TBCD: variants seen among roughly 807,000 people sequenced by gnomAD.
TBCD encodes the protein tubulin folding cofactor D.
Under a neutral mutation model 169.3 loss-of-function variants are expected in TBCD, and 105 were observed. The ratio of observed to expected loss-of-function variants is 0.62; its 90% CI spans 0.53 to 0.73. TBCD has a LOEUF of 0.73. TBCD is among the 30% of genes least tolerant of loss of function. The pLI is 0.00. For missense variants in TBCD, 1,444 were observed against 1,600.1 expected, an observed-to-expected ratio of 0.90 and a Z score of 1.66; for synonymous variants, 700 against 643.9, an observed-to-expected ratio of 1.09 and a Z score of -1.32.
chr17:82,794,373 G>GCTGGTTT (rs2144564614), intron 7 of TBCD, among the ~76,000 whole-genome samples: 1 of 152,260 alleles, frequency 6.6e-6, no homozygotes, highest in African/African-American at 2.4e-5. Context: ...CTTGTGCTGT[G>GCTGGTTT]CTGGTTTCTA....
rs777971535 is a variant in TBCD at position 82,805,871 on chromosome 17, A to G, written c.951-4A>G. 36 of 1,604,900 alleles carry G rather than the reference A, an allele frequency of 2.2e-5. No individual in the cohort carries two copies. The highest frequency in any genetic ancestry group is 3.1e-5 in the Non-Finnish European group (36 of 1,172,338). On this transcript the variant is annotated splice_polypyrimidine_tract_variant and splice_region_variant and intron_variant, in intron 9 of 38. Transcript: ENST00000355528. ...CTGATCTGAGGATGCTTTGCTTTGCACAGGTACCAGCGTGGCTGCCGATCT... is the reference window on the plus strand; with the variant it reads ...CTGATCTGAGGATGCTTTGCTTTGCGCAGGTACCAGCGTGGCTGCCGATCT...
chr17:82,808,023 G>T (rs996962990), intron 11 of TBCD, among the ~76,000 whole-genome samples: 2 of 152,226 alleles, frequency 1.3e-5, no homozygotes, highest in African/African-American at 2.4e-5. Flanking sequence ...TCAGGGAAGA[G>T]CCCTCTTTTG....
intron 16 of TBCD, 32 bp from the exon 17 acceptor site, chr17:82,893,515 T>G (rs1340192823): frequency 6.6e-7 from 1 of 1,514,250 alleles, no homozygotes; most frequent in Admixed American, 1.9e-5. Context: ...ATTCAAATTC[T>G]TCTTTTTCCC....
At chr17:82,762,981 G>A (rs181033531) in intron 2 of TBCD, among the ~76,000 whole-genome samples, 84 of 152,276 alleles carry the variant, frequency 5.5e-4, no homozygotes, top group African/African-American at 1.9e-3. Flanking sequence ...GCAGCCCAGC[G>A]TATGGTCTGT....
At position 82,915,876 on chromosome 17, in the gene TBCD, T is replaced by G. The variant is rs2060992761; in HGVS notation, c.2038+4087T>G. On this transcript the variant is annotated intron_variant, in intron 23 of 38. Coordinates refer to ENST00000355528, the MANE Select transcript of TBCD (RefSeq NM_005993.5). The surrounding 1 kb of genome is among the most constrained non-coding windows in gnomAD (Gnocchi z 4.3). ...GCCGGGGACACGCTGTTAATGGACT[T>G]CCTGCTGTGGGGGTGAGGGCTCCGT... Among the ~76,000 whole-genome samples, 1 of 152,172 alleles carries G rather than the reference T, an allele frequency of 6.6e-6. No individual in the cohort carries two copies. The highest frequency in any genetic ancestry group is 1.5e-5 in the Non-Finnish European group (1 of 68,026).
intron 6 of TBCD, among the ~76,000 whole-genome samples, chr17:82,775,370 C>G (rs915031568): frequency 2.0e-5 from 3 of 152,160 alleles, no homozygotes; most frequent in Non-Finnish European, 4.4e-5. Context: ...GGCCGGTTCC[C>G]TCGACACCTC....
chr17:82,780,670 A>T (rs1598457258), intron 6 of TBCD, among the ~76,000 whole-genome samples: 4 of 119,818 alleles, frequency 3.3e-5, no homozygotes, highest in East Asian at 2.9e-4. Flanking sequence ...TTTGAGACAG[A>T]GTCTTGTTCT....
intron 13 of TBCD, chr17:82,830,828 G>C (rs2053434945): frequency 6.2e-7 from 1 of 1,613,368 alleles, no homozygotes; most frequent in Non-Finnish European, 8.5e-7. Context: ...TCCGAGACGA[G>C]AGAGGCGCTT....
intron 13 of TBCD, among the ~76,000 whole-genome samples, chr17:82,826,523 C>G (rs983669083): frequency 2.6e-5 from 4 of 151,850 alleles, no homozygotes; most frequent in African/African-American, 9.7e-5. Context: ...TCAAGCAATC[C>G]TCCTGCCTCA....
At chr17:82,857,773 AT>A (rs1025136133) in intron 13 of TBCD, among the ~76,000 whole-genome samples, 22 of 142,442 alleles carry the variant, frequency 1.5e-4, no homozygotes, top group South Asian at 2.2e-4. Context: ...ATTTAATTTA[AT>A]TTTTTTTTCA....
rs60671571 is a variant in TBCD, at chr17:82,797,962, C to CTTTTTTTTT, written c.817+184_817+192dup. On this transcript the variant is annotated intron_variant, in intron 8 of 38. Coordinates refer to ENST00000355528, the MANE Select transcript of TBCD (RefSeq NM_005993.5). ...TTTGTTGTGGGTTTTAGTAACTGAA[C>CTTTTTTTTT]TTTTTTTTTTTTTTTTTTTTTTTTT... 7.7e-4 allele frequency among the ~76,000 whole-genome samples: 38 copies of CTTTTTTTTT among 49,036 alleles called. 7 individuals carry two copies. Among genetic ancestry groups the CTTTTTTTTT allele is most frequent in the South Asian group, 2.5e-3 (2 of 812 alleles). The allele number at this position is 49,036 out of a possible 152,430, so 32.2% of individuals were successfully genotyped here. A position where few individuals can be genotyped will look rare whatever the true frequency, so the allele number is the denominator to read the frequency against.
chr17:82,791,846 TGGCCTGCTGCTCCCAGGCCAGGTGGTGC>T lies in TBCD; in HGVS notation c.772-5900_772-5873del, dbSNP rs570985204. The stretch of plus-strand genomic sequence containing the variant: ...AGCGTGCACTTAAACATAGATGGTG[TGGCCTGCTGCTCCCAGGCCAGGTGGTGC>T]GGCCTGCTGCACTCCCAGGCCAGGT... On this transcript the variant is annotated intron_variant, in intron 7 of 38. Coordinates refer to ENST00000355528, the MANE Select transcript of TBCD (RefSeq NM_005993.5). Among the ~76,000 whole-genome samples the T allele has an allele frequency of 6.1e-3, 933 of 152,232 alleles. 4 individuals carry two copies. The highest frequency in any genetic ancestry group is 7.8e-3 in the Non-Finnish European group (532 of 68,008).
At chr17:82,763,468 G>A (rs1164649154) in intron 2 of TBCD, among the ~76,000 whole-genome samples, 1 of 152,048 alleles carries the variant, frequency 6.6e-6, no homozygotes, top group African/African-American at 2.4e-5. Flanking sequence ...GGCCAGGTGC[G>A]GTGGGCTCAC....
At chr17:82,878,738 G>A (rs566132769) in intron 14 of TBCD, among the ~76,000 whole-genome samples, 2 of 152,170 alleles carry the variant, frequency 1.3e-5, no homozygotes, top group Non-Finnish European at 2.9e-5. Flanking sequence ...TTTCTCCTTT[G>A]GTTTTCACCC....
Position 82,831,281 on chromosome 17 carries a change from G to T in TBCD, c.1318+16347G>T. The T allele has an allele frequency of 6.2e-7, 1 of 1,613,808 alleles. No homozygotes were observed. Among genetic ancestry groups the T allele is most frequent in the Non-Finnish European group, 8.5e-7 (1 of 1,180,030 alleles). ...ATTTTGGACCCTTCCGTGTCTCTCTGCCCAGCCTTGGAGGAGTCTTTAGCC... is the reference window on the plus strand; with the variant it reads ...ATTTTGGACCCTTCCGTGTCTCTCTTCCCAGCCTTGGAGGAGTCTTTAGCC... On this transcript the variant is annotated intron_variant, in intron 13 of 38. Transcript: ENST00000355528. The surrounding 1 kb of genome is among the most constrained non-coding windows in gnomAD (Gnocchi z 4.6).
chr17:82,945,088 T>C lies in TBCD; in HGVS notation c.*2625T>C, dbSNP rs1268622734. 1 of 152,090 alleles carries C rather than the reference T, an allele frequency of 6.6e-6. No homozygotes were observed. Among genetic ancestry groups the C allele is most frequent in the Non-Finnish European group, 1.5e-5 (1 of 68,026 alleles). 9.4% of individuals were successfully genotyped at this position (152,090 alleles called of 1,614,324 possible). On this transcript the variant is annotated 3_prime_UTR_variant, in exon 39 of 39. Coordinates refer to ENST00000355528, the MANE Select transcript of TBCD (RefSeq NM_005993.5). ...CTCTCTGGTAGAATGTAGGCTATAATATGAGTACATTTTTGAAAAGGGCTA... is the reference window on the plus strand; with the variant it reads ...CTCTCTGGTAGAATGTAGGCTATAACATGAGTACATTTTTGAAAAGGGCTA...
At chr17:82,893,438 G>A (rs2059281965) in intron 16 of TBCD, 109 bp from the exon 17 acceptor site, 4 of 856,984 alleles carry the variant, frequency 4.7e-6, no homozygotes, top group Non-Finnish European at 3.6e-6. Flanking sequence ...CCTGCCTCAG[G>A]GCTCGGGGTT....
At chr17:82,932,162 AAT>A (rs1481566925) in intron 33 of TBCD, 1 of 217,822 alleles carries the variant, frequency 4.6e-6, no homozygotes, top group Admixed American at 5.3e-5. Flanking sequence ...CAGCTTGCCT[AAT>A]CCGTGGTCAC....
chr17:82,846,306 G>A (rs574269663), intron 13 of TBCD, among the ~76,000 whole-genome samples: 199 of 138,136 alleles, frequency 1.4e-3, no homozygotes, highest in African/African-American at 5.2e-3. Flanking sequence ...CCCCCTCCAC[G>A]TGCTGCGTCC....
Sources: allele counts gnomAD v4.1 joint callset (sites outside exome capture counted in the v4.1 genomes callset), GRCh38; gene constraint gnomAD v4.1.1; non-coding constraint Gnocchi (gnomAD v3.1); transcripts MANE v1.5; gene names NCBI Gene and HGNC (gene_info 2026-07-23, HGNC 2026-07-21).